The following KIF1A variants were observed in gnomAD, a reference collection of about 807,000 sequenced individuals.
The protein encoded by KIF1A is kinesin-like protein KIF1A.
In KIF1A, 46 loss-of-function variants were observed where a neutral mutation model predicts 227.3. That is an observed-to-expected ratio of 0.20 (90% CI 0.16 to 0.26). The LOEUF (loss-of-function observed/expected upper bound fraction) is 0.26. Among genes scored for constraint, KIF1A ranks in the 10% least tolerant of loss-of-function variants. The probability of loss-of-function intolerance (pLI) is 1.00; values close to 1 mark genes in which losing one functional copy is unlikely to be tolerated. For synonymous variants in KIF1A, 1,022 were observed against 1,012.8 expected (o/e 1.01, Z -0.17); for missense variants, 1,683 against 2,485.9 (o/e 0.68, Z 6.87).
At chr2:240,807,126 G>GTATATATATATA (rs1453884433) in intron 1 of KIF1A, among the ~76,000 whole-genome samples, 2 of 101,124 alleles carry the variant, frequency 2.0e-5, no homozygotes, top group African/African-American at 8.6e-5. Context: ...GTGTGTGTGT[G>GTATATATATATA]TGTGTATATA....
chr2:240,769,760 G>T, intron 15 of KIF1A, 54 bp from the exon 16 acceptor site: 1 of 1,430,922 alleles, frequency 7.0e-7, no homozygotes, highest in Non-Finnish European at 9.8e-7. Flanking sequence ...CAAGGGAGAG[G>T]ACAATGGAGA....
intron 42 of KIF1A, 89 bp downstream of exon 42, chr2:240,723,324 C>G (rs2045628462): frequency 1.5e-6 from 2 of 1,326,556 alleles, no homozygotes; most frequent in Admixed American, 2.6e-5. Context: ...CCAGTAGGCA[C>G]CAGGCCCTGG....
rs780212657 is a variant in KIF1A, at chr2:240,771,041, G to C, written c.1271C>G (p.Ala424Gly). Residue 424 changes from alanine to glycine, a missense_variant, in exon 15 of 49, where the codon GCC becomes GGC. Around this residue, in one of 12 missense-constraint regions of KIF1A, gnomAD observed 110 missense variants for 133.1 expected, o/e 0.83. Transcript: ENST00000498729. ...GCGCTCGTGGAGGCTGGACACGGAG[G>C]CCGCGCGGCTGGACAGGGCTGAGAG... is the stretch of plus-strand genomic sequence containing the variant. Reference protein sequence around the residue: ...SSLSALSSRAASVSSLHERIL... With the variant: ...SSLSALSSRAGSVSSLHERIL... The C allele has an allele frequency of 1.2e-6, 2 of 1,613,308 alleles. No homozygotes were observed. The highest frequency in any genetic ancestry group is 1.7e-6 in the Non-Finnish European group (2 of 1,179,852).
At chr2:240,777,705 C>A (rs1027064014) in intron 10 of KIF1A, among the ~76,000 whole-genome samples, 4 of 152,238 alleles carry the variant, frequency 2.6e-5, no homozygotes, top group Non-Finnish European at 5.9e-5. Flanking sequence ...GAACACCCGC[C>A]CGCTGCTGCC....
Position 240,788,034 on chromosome 2 carries a change from C to A in KIF1A, c.363+17G>T. ...CCCATCTGCCAGGGCTGCCCCCGCC[C>A]GCCCCCCGCTTCGTGCCTGTGGGAT... On this transcript the variant is annotated intron_variant, in intron 4 of 48. Transcript: ENST00000498729. This position sits in a 1 kb window ranked among gnomAD's most constrained non-coding sequence, Gnocchi z 6.6. 6.9e-7 allele frequency: 1 copy of A among 1,449,056 alleles called. No homozygotes were observed. Among genetic ancestry groups the A allele is most frequent in the Non-Finnish European group, 9.4e-7 (1 of 1,059,096 alleles). The allele number at this position is 1,449,056 out of a possible 1,614,324, so 89.8% of individuals were successfully genotyped here. A position where few individuals can be genotyped will look rare whatever the true frequency, so the allele number is the denominator to read the frequency against.
Position 240,761,339 on chromosome 2 carries a change from C to T in KIF1A, c.2155G>A (p.Ala719Thr). Reference sequence around the variant, plus strand: ...TGGTACCACTTCCACTTCCGGAAGGCCCAGAGCGCCAGCTCACACTCCCGC... The same window carrying T: ...TGGTACCACTTCCACTTCCGGAAGGTCCAGAGCGCCAGCTCACACTCCCGC... ...TERECELALWAFRKWKWYQFT... is the reference protein window; with the variant it reads ...TERECELALWTFRKWKWYQFT... Residue 719 changes from alanine (A) to threonine (T), a missense_variant, in exon 24 of 49, where the codon GCC becomes ACC. Coordinates refer to ENST00000498729, the MANE Select transcript of KIF1A (RefSeq NM_001244008.2). The T allele has an allele frequency of 6.2e-7, 1 of 1,613,244 alleles. No individual in the cohort carries two copies. The highest frequency in any genetic ancestry group is 8.5e-7 in the Non-Finnish European group (1 of 1,179,518).
chr2:240,743,297 G>A (rs1237510210), intron 33 of KIF1A, among the ~76,000 whole-genome samples: 1 of 152,200 alleles, frequency 6.6e-6, no homozygotes, highest in East Asian at 1.9e-4. Flanking sequence ...CTGACACCCT[G>A]GAGGGCCCCT....
intron 7 of KIF1A, 61 bp from the exon 8 acceptor site, chr2:240,783,877 A>G: frequency 1.5e-6 from 2 of 1,303,924 alleles, no homozygotes; most frequent in Admixed American, 2.0e-5. Flanking sequence ...GCATCCCAGG[A>G]CCCCTGGGCA....
chr2:240,737,033 G>C lies in KIF1A; in HGVS notation c.4007+30C>G, dbSNP rs908073426. The C allele has an allele frequency of 3.2e-6, 5 of 1,553,900 alleles. No homozygotes were observed. In the South Asian group the frequency reaches 4.5e-5, roughly 14 times the overall value. On this transcript the variant is annotated intron_variant, in intron 38 of 48. Coordinates refer to ENST00000498729, the MANE Select transcript of KIF1A (RefSeq NM_001244008.2). Reference sequence around the variant, plus strand: ...CCTGGCAGGCTGGGAACATGCCCTGGGCCCTGTCTCCAGGGAGTCTCCGAC... The same window carrying C: ...CCTGGCAGGCTGGGAACATGCCCTGCGCCCTGTCTCCAGGGAGTCTCCGAC...
At position 240,802,527 on chromosome 2, in the gene KIF1A, A is replaced by T. The variant is rs762892745; in HGVS notation, c.-60-4715T>A. 3.3e-5 allele frequency among the ~76,000 whole-genome samples: 5 copies of T among 152,250 alleles called. No homozygotes were observed. In the South Asian group the frequency reaches 8.3e-4, roughly 25 times the overall value. ...GATTTTTATAAATTATATTCTGTTC[A>T]TAAGAGACTCTACATACAAAGACAC... On this transcript the variant is annotated intron_variant, in intron 1 of 48. Coordinates refer to ENST00000498729, the MANE Select transcript of KIF1A (RefSeq NM_001244008.2).
chr2:240,749,756 C>T (rs2049006541), intron 28 of KIF1A, among the ~76,000 whole-genome samples: 1 of 152,238 alleles, frequency 6.6e-6, no homozygotes, highest in African/African-American at 2.4e-5. Context: ...TCTGGGGCTG[C>T]CCTGGTGCCT....
Position 240,775,840 on chromosome 2 carries a change from C to A in KIF1A, c.958+11G>T, listed in dbSNP as rs199855269. On this transcript the variant is annotated intron_variant, in intron 11 of 48. Coordinates refer to ENST00000498729, the MANE Select transcript of KIF1A (RefSeq NM_001244008.2). This position sits in a 1 kb window ranked among gnomAD's most constrained non-coding sequence, Gnocchi z 5.5. The stretch of plus-strand genomic sequence containing the variant: ...AGAGCCCTGGGGACAGGCAAACCCA[C>A]AAGTTCTCACCCAGGTTTTCCCGGA... The A allele has an allele frequency of 8.2e-6, 13 of 1,587,964 alleles. No homozygotes were observed. The highest frequency in any genetic ancestry group is 1.1e-5 in the Non-Finnish European group (13 of 1,156,166).
intron 43 of KIF1A, 89 bp from the exon 44 acceptor site, chr2:240,721,973 C>G: frequency 9.1e-7 from 1 of 1,096,432 alleles, no homozygotes; most frequent in Admixed American, 2.0e-5. Context: ...CACCCCTCCC[C>G]AGACACAGGT....
intron 1 of KIF1A, among the ~76,000 whole-genome samples, chr2:240,800,958 C>T (rs983758825): frequency 6.6e-6 from 1 of 152,120 alleles, no homozygotes; most frequent in African/African-American, 2.4e-5. Context: ...GTCTGGCTGC[C>T]TGGGAGAGAA....
At chr2:240,782,700 C>T in intron 9 of KIF1A, 93 bp from the exon 10 acceptor site, 1 of 1,311,628 alleles carries the variant, frequency 7.6e-7, no homozygotes, top group Non-Finnish European at 1.1e-6. Flanking sequence ...CTGCCTCGCC[C>T]TGGCCATGAC....
intron 1 of KIF1A, among the ~76,000 whole-genome samples, chr2:240,804,903 A>G (rs1233200801): frequency 6.6e-6 from 1 of 151,954 alleles, no homozygotes; most frequent in East Asian, 1.9e-4. Flanking sequence ...CAAGATTCCC[A>G]CATATGAACA....
chr2:240,724,129 G>C lies in KIF1A; in HGVS notation c.4257-93C>G. The stretch of plus-strand genomic sequence containing the variant: ...CTGCTGACTTGCCCCACTATCAAAC[G>C]CACAGTCAGCCTGGCTGGGGTGATG... On this transcript the variant is annotated intron_variant, in intron 40 of 48. Coordinates refer to ENST00000498729, the MANE Select transcript of KIF1A (RefSeq NM_001244008.2). The C allele has an allele frequency of 3.7e-6, 4 of 1,086,096 alleles. No homozygotes were observed. The South Asian group carries it at 3.7e-5, about 10-fold the overall frequency. 67.3% of individuals were successfully genotyped at this position (1,086,096 alleles called of 1,614,324 possible).
chr2:240,778,677 C>T lies in KIF1A; in HGVS notation c.883-2751G>A, dbSNP rs1010139512. ...TCCCGGTTCCCACAGCTCCACGCGG[C>T]GCCCAGCAGGTCCCCGCAGCTTCCC... On this transcript the variant is annotated intron_variant, in intron 10 of 48. Coordinates refer to ENST00000498729, the MANE Select transcript of KIF1A (RefSeq NM_001244008.2). The surrounding 1 kb of genome is among the most constrained non-coding windows in gnomAD (Gnocchi z 7.2). Among the ~76,000 whole-genome samples the T allele has an allele frequency of 6.6e-6, 1 of 151,550 alleles. No homozygotes were observed. Among genetic ancestry groups the T allele is most frequent in the Non-Finnish European group, 1.5e-5 (1 of 67,918 alleles).
chr2:240,763,027 G>T lies in KIF1A; in HGVS notation c.2014C>A (p.Gln672Lys). The T allele has an allele frequency of 6.6e-7, 1 of 1,511,398 alleles. No homozygotes were observed. The allele number at this position is 1,511,398 out of a possible 1,614,324, so 93.6% of individuals were successfully genotyped here. The change falls in exon 22 of 49, where the codon CAG becomes AAG. Residue 672 changes from glutamine to lysine, a missense_variant. Physicochemically the swap from Gln to Lys is moderately conservative, Grantham distance 53 (BLOSUM62 1). Transcript: ENST00000498729. Reference sequence around the variant, plus strand: ...GGGGCCACGTCACTCACCAGCCGCTGCTGCTCCAGCAGGTAGGTGGCCTCC... The same window carrying T: ...GGGGCCACGTCACTCACCAGCCGCTTCTGCTCCAGCAGGTAGGTGGCCTCC... ...REEATYLLEQ[Q>K]RLDYESKLEA...
Sources: allele counts gnomAD v4.1 joint callset (sites outside exome capture counted in the v4.1 genomes callset), GRCh38; gene constraint gnomAD v4.1.1; regional missense constraint gnomAD v4.1.1; non-coding constraint Gnocchi (gnomAD v3.1); transcripts MANE v1.5; gene names NCBI Gene and HGNC (gene_info 2026-07-23, HGNC 2026-07-21).